PLPP3: variants seen among roughly 807,000 people sequenced by gnomAD.
PLPP3 encodes phospholipid phosphatase 3.
A neutral mutation model predicts 29.6 loss-of-function variants in PLPP3; 6 were observed. The ratio of observed to expected loss-of-function variants is 0.20; its 90% confidence interval spans 0.11 to 0.40. PLPP3 has a LOEUF of 0.40. PLPP3 is among the 10% of genes least tolerant of loss of function. PLPP3 has a pLI of 1.00. For synonymous variants in PLPP3, 152 were observed against 159.7 expected, an observed-to-expected ratio of 0.95 and a Z score of 0.36; for missense variants, 308 against 407.7, an observed-to-expected ratio of 0.76 and a Z score of 2.11.
chr1:56,544,634 C>T (rs924330638), intron 1 of PLPP3, among the ~76,000 whole-genome samples: 1 of 152,102 alleles, frequency 6.6e-6, no homozygotes, highest in African/African-American at 2.4e-5. Flanking sequence ...TTTCAGTATC[C>T]ACTCTGAGGA....
Position 56,557,598 on chromosome 1 carries a change from T to C in PLPP3, c.140-20486A>G, listed in dbSNP as rs544667882. 2.0e-5 allele frequency among the ~76,000 whole-genome samples: 3 copies of C among 152,220 alleles called. No individual in the cohort carries two copies. In the South Asian group the frequency reaches 6.2e-4, roughly 32 times the overall value. On this transcript the variant is annotated intron_variant, in intron 1 of 5. Transcript: ENST00000371250. ...CACTAATGAATGCAGTTGCTTTGGG[T>C]CTTGTAAGAAAACCACTGGCTTTCA...
intron 1 of PLPP3, 119 bp from the exon 2 acceptor site, chr1:56,537,231 A>ATTTGGG: frequency 8.8e-7 from 1 of 1,138,284 alleles, no homozygotes; most frequent in Non-Finnish European, 1.2e-6. Flanking sequence ...TGAGAGTGAT[A>ATTTGGG]ATCGTTCCTT....
In PLPP3 at chr1:56,496,389, C is replaced by CTA; in HGVS notation, c.*160_*161dup. The CTA allele has an allele frequency of 1.3e-6, 1 of 767,358 alleles. No individual in the cohort carries two copies. Among genetic ancestry groups the CTA allele is most frequent in the Non-Finnish European group, 2.0e-6 (1 of 499,276 alleles). The allele number at this position is 767,358 out of a possible 1,614,324, so 47.5% of individuals were successfully genotyped here. ...TTGTTTCCACATAGGCAAACACTAC[C>CTA]TATTTTGGAAGGCCACATAGTAAAA... is the stretch of plus-strand genomic sequence containing the variant. On this transcript the variant is annotated 3_prime_UTR_variant, in exon 6 of 6. Coordinates refer to ENST00000371250, the MANE Select transcript of PLPP3 (RefSeq NM_003713.5).
At chr1:56,515,337 C>T (rs1357240247) in intron 4 of PLPP3, among the ~76,000 whole-genome samples, 1 of 152,042 alleles carries the variant, frequency 6.6e-6, no homozygotes, top group Non-Finnish European at 1.5e-5. Context: ...ATGCTTGTTA[C>T]GAGTCCTTCA....
At chr1:56,552,242 AAAG>A (rs1251367100) in intron 1 of PLPP3, among the ~76,000 whole-genome samples, 2 of 150,900 alleles carry the variant, frequency 1.3e-5, no homozygotes, top group East Asian at 3.9e-4. Flanking sequence ...AAAAAAAAAG[AAAG>A]AAGGAGAGAT....
chr1:56,551,990 G>T (rs909865485), intron 1 of PLPP3, among the ~76,000 whole-genome samples: 7 of 152,170 alleles, frequency 4.6e-5, no homozygotes, highest in Admixed American at 4.6e-4. Context: ...AATTAGGCTT[G>T]CAAATCATTT....
At chr1:56,535,589 A>G (rs565828694) in intron 2 of PLPP3, among the ~76,000 whole-genome samples, 3 of 152,330 alleles carry the variant, frequency 2.0e-5, no homozygotes, top group South Asian at 2.1e-4. Flanking sequence ...GCAAGCCACA[A>G]TGAAGCTCTC....
At chr1:56,572,295 C>T (rs1178533816) in intron 1 of PLPP3, among the ~76,000 whole-genome samples, 2 of 152,122 alleles carry the variant, frequency 1.3e-5, no homozygotes, top group African/African-American at 2.4e-5. Context: ...GGTGATCCAC[C>T]TGCCTCAGCC....
intron 2 of PLPP3, among the ~76,000 whole-genome samples, chr1:56,529,862 A>C (rs1195538985): frequency 2.0e-5 from 3 of 152,176 alleles, no homozygotes; most frequent in Non-Finnish European, 4.4e-5. Context: ...TCAGAACTCC[A>C]ATATCTAGAA....
chr1:56,569,616 T>G (rs1394902002), intron 1 of PLPP3, among the ~76,000 whole-genome samples: 1 of 152,032 alleles, frequency 6.6e-6, no homozygotes, highest in African/African-American at 2.4e-5. Flanking sequence ...AAGATAAAAA[T>G]AAAAAGAAAA....
intron 1 of PLPP3, among the ~76,000 whole-genome samples, chr1:56,561,899 G>A (rs1646131811): frequency 6.6e-6 from 1 of 151,890 alleles, no homozygotes; most frequent in Non-Finnish European, 1.5e-5. Context: ...GCCGGGCATG[G>A]TAGCACACGC....
chr1:56,503,453 C>A (rs1310398175), intron 5 of PLPP3, among the ~76,000 whole-genome samples: 3 of 152,226 alleles, frequency 2.0e-5, no homozygotes, highest in Non-Finnish European at 1.5e-5. Context: ...CTTTGGGAGG[C>A]CGAGGTGGGC....
chr1:56,557,007 A>AG (rs1491095650), intron 1 of PLPP3, among the ~76,000 whole-genome samples: 128 of 6,200 alleles, frequency 0.021, 3 homozygotes, highest in African/African-American at 0.041. Context: ...AGAAAGAAAG[A>AG]AAGAGAGAGA....
chr1:56,535,648 G>A (rs1282052010), intron 2 of PLPP3, among the ~76,000 whole-genome samples: 1 of 152,152 alleles, frequency 6.6e-6, no homozygotes, highest in Non-Finnish European at 1.5e-5. Flanking sequence ...AAGGAGAAAG[G>A]GATTGGCCTT....
At chr1:56,538,358 G>T (rs1362064565) in intron 1 of PLPP3, 1 of 286,446 alleles carries the variant, frequency 3.5e-6, no homozygotes, top group South Asian at 3.6e-5. Flanking sequence ...AAAGTAAAAG[G>T]ACCAGTTCTT....
chr1:56,524,521 G>A lies in PLPP3; in HGVS notation c.331C>T (p.Leu111=). The A allele has an allele frequency of 6.2e-7, 1 of 1,612,278 alleles. No individual in the cohort carries two copies. Among genetic ancestry groups the A allele is most frequent in the Non-Finnish European group, 8.5e-7 (1 of 1,178,406 alleles). ...ITGEFYRIYY[L]KKSRSTIQNP... ...TGAATCGTCGACCGCGACTTCTTCAGGTAATAGATCCGGTAGAATTCCCCC... is the reference window on the plus strand; with the variant it reads ...TGAATCGTCGACCGCGACTTCTTCAAGTAATAGATCCGGTAGAATTCCCCC... Residue 111 remains leucine, a synonymous_variant, in exon 3 of 6, where the codon CTG becomes TTG. Transcript: ENST00000371250. This position sits in a 1 kb window ranked among gnomAD's most constrained non-coding sequence, Gnocchi z 4.3.
intron 5 of PLPP3, among the ~76,000 whole-genome samples, chr1:56,498,738 A>G (rs967375472): frequency 2.0e-5 from 3 of 151,720 alleles, no homozygotes; most frequent in African/African-American, 7.3e-5. Flanking sequence ...GGTTCAAGGG[A>G]TTCTCCCGCC....
In PLPP3 at chr1:56,496,519, T is replaced by C; in HGVS notation, c.*32A>G. On this transcript the variant is annotated 3_prime_UTR_variant, in exon 6 of 6. Coordinates refer to ENST00000371250, the MANE Select transcript of PLPP3 (RefSeq NM_003713.5). ...GCAAGAACTTGCTGTCAGCAGTCAT[T>C]TTACAAAAACAGCTCAGGAGGTGGG... 1 of 1,611,172 alleles carries C rather than the reference T, an allele frequency of 6.2e-7. No homozygotes were observed. Among genetic ancestry groups the C allele is most frequent in the Non-Finnish European group, 8.5e-7 (1 of 1,177,776 alleles).
At chr1:56,522,455 A>G (rs1645825153) in intron 4 of PLPP3, among the ~76,000 whole-genome samples, 1 of 152,210 alleles carries the variant, frequency 6.6e-6, no homozygotes, top group Admixed American at 6.5e-5. Flanking sequence ...GGTAAAATAC[A>G]CAAAGGGAGC....
Sources: gnomAD v4.1 joint callset for allele counts (sites outside exome capture counted in the v4.1 genomes callset) on GRCh38, gnomAD v4.1.1 for gene constraint, Gnocchi (gnomAD v3.1) non-coding constraint, MANE v1.5 for transcripts, NCBI Gene and HGNC (gene_info 2026-07-23, HGNC 2026-07-21) for gene names.